The following XKR4 variants were observed in gnomAD, a reference collection of about 807,000 sequenced individuals.
The protein encoded by XKR4 is XK related 4.
A neutral mutation model predicts 53.9 loss-of-function variants in XKR4; 12 were observed. The ratio of observed to expected loss-of-function variants is 0.22; its 90% CI spans 0.14 to 0.36. The LOEUF is 0.36. Among genes scored for constraint, XKR4 ranks in the 10% least tolerant of loss-of-function variants. The pLI is 1.00. For synonymous variants in XKR4, 354 were observed against 362.4 expected, an observed-to-expected ratio of 0.98 and a Z score of 0.26; for missense variants, 799 against 859.5, an observed-to-expected ratio of 0.93 and a Z score of 0.88.
chr8:55,339,926 T>G (rs1736955451), intron 1 of XKR4, among the ~76,000 whole-genome samples: 1 of 152,244 alleles, frequency 6.6e-6, no homozygotes, highest in South Asian at 2.1e-4. Flanking sequence ...GGTTGGATTT[T>G]CCTCTATGAC....
intron 2 of XKR4, among the ~76,000 whole-genome samples, chr8:55,415,354 G>T (rs1270407696): frequency 3.3e-5 from 5 of 152,146 alleles, no homozygotes; most frequent in Admixed American, 1.3e-4. Flanking sequence ...CTGGAAGAAA[G>T]AATATATTAA....
chr8:55,142,732 G>A (rs976840114), intron 1 of XKR4, among the ~76,000 whole-genome samples: 4 of 152,108 alleles, frequency 2.6e-5, no homozygotes, highest in Admixed American at 1.3e-4. Context: ...TAAACAATTG[G>A]GACTGACATT....
intron 2 of XKR4, among the ~76,000 whole-genome samples, chr8:55,467,997 A>G (rs1292841753): frequency 6.6e-6 from 1 of 152,174 alleles, no homozygotes; most frequent in Non-Finnish European, 1.5e-5. Flanking sequence ...ATCTATTAAC[A>G]TTTATGGTTT....
chr8:55,353,334 A>C (rs1347739891), intron 1 of XKR4, among the ~76,000 whole-genome samples: 1 of 152,140 alleles, frequency 6.6e-6, no homozygotes, highest in East Asian at 1.9e-4. Context: ...ATAAAGAAGA[A>C]ATTTAGACAC....
intron 1 of XKR4, among the ~76,000 whole-genome samples, chr8:55,127,518 G>T (rs1258403666): frequency 6.7e-6 from 1 of 150,200 alleles, no homozygotes; most frequent in Non-Finnish European, 1.5e-5. Flanking sequence ...CTCCCAAAGT[G>T]CTGGGATTAC....
chr8:55,407,784 A>AG (rs1804709073), intron 2 of XKR4, among the ~76,000 whole-genome samples: 1 of 152,228 alleles, frequency 6.6e-6, no homozygotes, highest in South Asian at 2.1e-4. Context: ...ATTTCAGTTA[A>AG]GCAGTCTCAT....
intron 1 of XKR4, among the ~76,000 whole-genome samples, chr8:55,105,621 T>C (rs554375407): frequency 6.6e-6 from 1 of 152,224 alleles, no homozygotes; most frequent in African/African-American, 2.4e-5. Context: ...TTCAGAATAA[T>C]GTGTGTAGTA....
intron 1 of XKR4, among the ~76,000 whole-genome samples, chr8:55,105,586 T>C (rs1816131903): frequency 6.6e-6 from 1 of 152,182 alleles, no homozygotes; most frequent in African/African-American, 2.4e-5. Flanking sequence ...TCAGATATAA[T>C]ATTCTGGAAA....
chr8:55,205,329 TTTG>T (rs1469678922), intron 1 of XKR4, among the ~76,000 whole-genome samples: 2 of 150,612 alleles, frequency 1.3e-5, no homozygotes, highest in African/African-American at 5.0e-5. Flanking sequence ...TTGACATGTA[TTTG>T]TTGTCATAAA....
chr8:55,438,590 G>GCAAAAA lies in XKR4; in HGVS notation c.1006+80713_1006+80714insCAAAAA, dbSNP rs1554525578. On this transcript the variant is annotated intron_variant, in intron 2 of 2. Transcript: ENST00000327381. ...AGGTGACAGAGCAAGACTCCATCTT[G>GCAAAAA]AAAAAAAAAAAAAAAAAGAGAGAGA... Among the ~76,000 whole-genome samples the GCAAAAA allele has an allele frequency of 3.2e-4, 32 of 100,286 alleles. 2 individuals carry two copies. Among genetic ancestry groups the GCAAAAA allele is most frequent in the African/African-American group, 5.5e-4 (13 of 23,540 alleles). The allele number at this position is 100,286 out of a possible 152,430, so 65.8% of individuals were successfully genotyped here. A position where few individuals can be genotyped will look rare whatever the true frequency, so the allele number is the denominator to read the frequency against.
intron 1 of XKR4, among the ~76,000 whole-genome samples, chr8:55,281,036 G>GAA (rs1409132858): frequency 6.6e-6 from 1 of 152,012 alleles, no homozygotes; most frequent in East Asian, 1.9e-4. Flanking sequence ...TTTTCTCTGG[G>GAA]AAGAAAGACA....
intron 1 of XKR4, among the ~76,000 whole-genome samples, chr8:55,156,976 T>A (rs1198096233): frequency 6.6e-6 from 1 of 152,244 alleles, no homozygotes; most frequent in Non-Finnish European, 1.5e-5. Flanking sequence ...ACACACCTTG[T>A]CTTCTGATTT....
chr8:55,428,529 G>T (rs1232594320), intron 2 of XKR4, among the ~76,000 whole-genome samples: 1 of 152,178 alleles, frequency 6.6e-6, no homozygotes, highest in East Asian at 1.9e-4. Context: ...CCCTGGTCAG[G>T]CTATAACGAG....
intron 2 of XKR4, among the ~76,000 whole-genome samples, chr8:55,439,461 A>G (rs950298430): frequency 6.6e-6 from 1 of 152,366 alleles, no homozygotes; most frequent in East Asian, 1.9e-4. Flanking sequence ...GATCTATTAG[A>G]TTCAAATATA....
intron 2 of XKR4, among the ~76,000 whole-genome samples, chr8:55,489,833 A>T (rs1806247790): frequency 6.6e-6 from 1 of 152,180 alleles, no homozygotes; most frequent in African/African-American, 2.4e-5. Context: ...AATTGGTTAC[A>T]GTATGTATCT....
At chr8:55,358,221 C>T (rs573583387) in intron 2 of XKR4, among the ~76,000 whole-genome samples, 2 of 152,100 alleles carry the variant, frequency 1.3e-5, no homozygotes, top group African/African-American at 4.8e-5. Flanking sequence ...AGCAGTAACT[C>T]TCTCTCTCTG....
intron 1 of XKR4, among the ~76,000 whole-genome samples, chr8:55,348,568 G>A (rs1347288620): frequency 6.6e-6 from 1 of 152,168 alleles, no homozygotes; most frequent in African/African-American, 2.4e-5. Context: ...AGTGTCAGAA[G>A]TGGACATGGG....
intron 1 of XKR4, among the ~76,000 whole-genome samples, chr8:55,251,618 T>A (rs894837136): frequency 7.9e-5 from 12 of 152,112 alleles, no homozygotes; most frequent in Non-Finnish European, 1.5e-4. Context: ...ATATCCAGAA[T>A]TTTTTTTAAG....
At chr8:55,454,363 G>A in intron 2 of XKR4, 1 of 1,508,532 alleles carries the variant, frequency 6.6e-7, no homozygotes, top group Non-Finnish European at 9.2e-7. Flanking sequence ...CCGGCAGGAT[G>A]GGCACATAGG....
Sources: gnomAD v4.1 joint callset for allele counts (sites outside exome capture counted in the v4.1 genomes callset) on GRCh38, gnomAD v4.1.1 for gene constraint, MANE v1.5 for transcripts, NCBI Gene and HGNC (gene_info 2026-07-23, HGNC 2026-07-21) for gene names.